The following FGGY variants were observed in gnomAD, a reference collection of about 807,000 sequenced individuals.
The protein encoded by FGGY is FGGY carbohydrate kinase domain-containing protein.
A neutral mutation model predicts 71.3 loss-of-function variants in FGGY; 72 were observed. The observed-to-expected ratio is 1.01, with a 90% CI of 0.84 to 1.23. The LOEUF (loss-of-function observed/expected upper bound fraction) is 1.23. Ranked by LOEUF, FGGY falls within the 50% of genes most tolerant of loss-of-function variation. The pLI, the probability that FGGY is intolerant of heterozygous loss-of-function variation, is 0.00. For synonymous variants in FGGY, 251 were observed against 250.3 expected, an observed-to-expected ratio of 1.00 and a Z score of -0.02; for missense variants, 668 against 682.3, an observed-to-expected ratio of 0.98 and a Z score of 0.23.
chr1:59,327,759 T>C (rs835375), intron 2 of FGGY, among the ~76,000 whole-genome samples: 61,959 of 152,072 alleles, frequency 0.41, 13,126 homozygotes, highest in African/African-American at 0.51. Flanking sequence ...GAAATTTCTC[T>C]TTGATCCATG....
At chr1:59,624,523 T>G (rs1234300488) in intron 9 of FGGY, among the ~76,000 whole-genome samples, 1 of 152,164 alleles carries the variant, frequency 6.6e-6, no homozygotes, top group African/African-American at 2.4e-5. Context: ...TAGTAGTGTA[T>G]TAGTCCGTTT....
At chr1:59,497,224 C>A (rs2094064781) in intron 6 of FGGY, among the ~76,000 whole-genome samples, 2 of 152,178 alleles carry the variant, frequency 1.3e-5, no homozygotes, top group African/African-American at 4.8e-5. Flanking sequence ...TTACAAATTT[C>A]CAGCAGGAAG....
chr1:59,300,378 TTATCA>T (rs2042581132), intron 1 of FGGY, among the ~76,000 whole-genome samples: 1 of 152,230 alleles, frequency 6.6e-6, no homozygotes, highest in African/African-American at 2.4e-5. Flanking sequence ...TTCTTTATTC[TTATCA>T]TAAGTTCTTT....
At chr1:59,681,691 A>G (rs1025900092) in intron 14 of FGGY, among the ~76,000 whole-genome samples, 1 of 152,136 alleles carries the variant, frequency 6.6e-6, no homozygotes, top group African/African-American at 2.4e-5. Context: ...AATGAAATCC[A>G]TGCTGTATAA....
intron 14 of FGGY, among the ~76,000 whole-genome samples, chr1:59,740,949 C>T (rs2098142206): frequency 6.6e-6 from 1 of 152,158 alleles, no homozygotes; most frequent in South Asian, 2.1e-4. Context: ...TAAAATATCT[C>T]ATAAATAATT....
At chr1:59,638,742 TG>T (rs1001438529) in intron 11 of FGGY, among the ~76,000 whole-genome samples, 4 of 152,248 alleles carry the variant, frequency 2.6e-5, no homozygotes, top group African/African-American at 7.2e-5. Context: ...TTACCACCCA[TG>T]GTCTTGCTGG....
intron 14 of FGGY, among the ~76,000 whole-genome samples, chr1:59,685,345 G>C (rs1031364838): frequency 2.0e-5 from 3 of 152,008 alleles, no homozygotes; most frequent in Non-Finnish European, 4.4e-5. Context: ...TTAGCCCTAG[G>C]ATGCAGTAGG....
chr1:59,307,989 G>T (rs931640195), intron 1 of FGGY, among the ~76,000 whole-genome samples: 6 of 152,138 alleles, frequency 3.9e-5, no homozygotes, highest in Non-Finnish European at 7.3e-5. Flanking sequence ...TGCATCCAGG[G>T]GGTCTCCAGG....
intron 8 of FGGY, among the ~76,000 whole-genome samples, chr1:59,597,913 C>G (rs189008451): frequency 6.6e-6 from 1 of 152,162 alleles, no homozygotes; most frequent in Admixed American, 6.5e-5. Context: ...GAGGATTTGA[C>G]AGAAATAGAA....
chr1:59,497,824 A>G (rs1558129524), intron 6 of FGGY, among the ~76,000 whole-genome samples: 1 of 151,822 alleles, frequency 6.6e-6, no homozygotes, highest in Non-Finnish European at 1.5e-5. Flanking sequence ...AGTACCTGCA[A>G]CTCTGTCGGC....
chr1:59,519,452 GC>G (rs1474953084), intron 7 of FGGY, among the ~76,000 whole-genome samples: 2 of 152,142 alleles, frequency 1.3e-5, no homozygotes, highest in Non-Finnish European at 2.9e-5. Flanking sequence ...CATAAAATGG[GC>G]CTAAAATTGA....
intron 1 of FGGY, among the ~76,000 whole-genome samples, chr1:59,297,589 A>G (rs1033133528): frequency 1.2e-4 from 18 of 152,048 alleles, no homozygotes; most frequent in South Asian, 2.1e-4. Flanking sequence ...TTGGGAGGCC[A>G]AGGCGGGTGG....
chr1:59,665,262 A>G (rs1171623703), intron 12 of FGGY, among the ~76,000 whole-genome samples: 2 of 152,220 alleles, frequency 1.3e-5, no homozygotes, highest in African/African-American at 2.4e-5. Flanking sequence ...ACATCTGGGA[A>G]TAATCAGCCC....
At position 59,401,661 on chromosome 1, in the gene FGGY, CAA is replaced by C. The variant is rs548697734; in HGVS notation, c.554+22827_554+22828del. 1.6e-3 allele frequency among the ~76,000 whole-genome samples: 249 copies of C among 152,316 alleles called. 2 individuals are homozygous for C. Among genetic ancestry groups the C allele is most frequent in the African/African-American group, 5.8e-3 (240 of 41,570 alleles). On this transcript the variant is annotated intron_variant, in intron 5 of 15. Coordinates refer to ENST00000303721, the MANE Select transcript of FGGY (RefSeq NM_018291.5). The stretch of plus-strand genomic sequence containing the variant: ...CCTTGCCAGGATTTAAGTGATAAAA[CAA>C]AACTCATGCTTTTAACTACTATAGT...
rs2095652237 is a variant in FGGY, at chr1:59,554,324, C to T, written c.903+97C>T. ...GGCTTCTTCACCCTTTCACTTCTTT[C>T]CTCTTTTCCCTGCCTGCCCCTTGTG... is the stretch of plus-strand genomic sequence containing the variant. On this transcript the variant is annotated intron_variant, in intron 8 of 15. Transcript: ENST00000303721. 3 of 847,604 alleles carry T rather than the reference C, an allele frequency of 3.5e-6. No homozygotes were observed. The South Asian group carries it at 5.9e-5, about 17-fold the overall frequency. The allele number at this position is 847,604 out of a possible 1,614,324, so 52.5% of individuals were successfully genotyped here. A position where few individuals can be genotyped will look rare whatever the true frequency, so the allele number is the denominator to read the frequency against.
chr1:59,572,201 G>A (rs952559599), intron 8 of FGGY, among the ~76,000 whole-genome samples: 2 of 152,168 alleles, frequency 1.3e-5, no homozygotes, highest in African/African-American at 4.8e-5. Flanking sequence ...TAATTTGGGT[G>A]GTCTAGAAGG....
chr1:59,553,566 G>A (rs758525515), intron 7 of FGGY, among the ~76,000 whole-genome samples: 2 of 152,162 alleles, frequency 1.3e-5, no homozygotes, highest in Non-Finnish European at 2.9e-5. Context: ...GCGATAAGTA[G>A]TAGTAAGAAT....
intron 7 of FGGY, among the ~76,000 whole-genome samples, chr1:59,517,030 G>T (rs961169934): frequency 6.6e-6 from 1 of 152,150 alleles, no homozygotes. Context: ...TGTTCTTAAG[G>T]TGCTGGTTAG....
At chr1:59,754,815 C>A (rs1400322393) in intron 14 of FGGY, 1 of 152,348 alleles carries the variant, frequency 6.6e-6, no homozygotes, top group East Asian at 1.9e-4. Context: ...ACATGGGCCA[C>A]TTGGGGTCTA....
Sources: allele counts gnomAD v4.1 joint callset (sites outside exome capture counted in the v4.1 genomes callset), GRCh38; gene constraint gnomAD v4.1.1; transcripts MANE v1.5; gene names NCBI Gene and HGNC (gene_info 2026-07-23, HGNC 2026-07-21).